The following ABCG5 variants were observed in gnomAD, a reference collection of about 807,000 sequenced individuals.
The protein encoded by ABCG5 is ATP-binding cassette sub-family G member 5.
ABCG5 carries 64 observed loss-of-function variants against 64.5 expected under a neutral mutation model. That is an observed-to-expected ratio of 0.99 (90% CI 0.81 to 1.22). The LOEUF is 1.22. Among genes scored for constraint, ABCG5 ranks in the 50% most tolerant of loss-of-function variants. The pLI, the probability that ABCG5 is intolerant of heterozygous loss-of-function variation, is 0.00. For synonymous variants in ABCG5, 385 were observed against 326.3 expected, an observed-to-expected ratio of 1.18 and a Z score of -1.94; for missense variants, 908 against 829.5, an observed-to-expected ratio of 1.09 and a Z score of -1.16.
intron 6 of ABCG5, among the ~76,000 whole-genome samples, chr2:43,825,819 G>C (rs1399208520): frequency 2.0e-5 from 3 of 152,168 alleles, no homozygotes; most frequent in African/African-American, 7.2e-5. Context: ...TCTGTAAGGT[G>C]AATACACTGA....
At chr2:43,810,463 T>A (rs1354691126), downstream of ABCG5, 5 of 985,438 alleles carry the variant, frequency 5.1e-6, no homozygotes, top group Non-Finnish European at 6.0e-6. Flanking sequence ...CAAGGTGGGA[T>A]AGCCTTTAAG....
downstream of ABCG5, among the ~76,000 whole-genome samples, chr2:43,809,415 G>C (rs1244019789): frequency 6.6e-6 from 1 of 152,192 alleles, no homozygotes; most frequent in African/African-American, 2.4e-5. Context: ...TAGTTCATTA[G>C]TTGAAAGACA....
At chr2:43,807,271 C>T in the ABCG5 span, among the ~76,000 whole-genome samples, 1 of 152,170 alleles carries the variant, frequency 6.6e-6, no homozygotes, top group Middle Eastern at 3.4e-3. Context: ...TCGTGATTAG[C>T]CCTCTTTAAT....
chr2:43,837,065 A>G (rs539523482), intron 2 of ABCG5, among the ~76,000 whole-genome samples: 1 of 151,890 alleles, frequency 6.6e-6, no homozygotes, highest in Admixed American at 6.6e-5. Flanking sequence ...ACGACCAGAT[A>G]AGATCTGATA....
intron 10 of ABCG5, among the ~76,000 whole-genome samples, chr2:43,820,507 C>A (rs1390346858): frequency 6.6e-6 from 1 of 152,170 alleles, no homozygotes; most frequent in Non-Finnish European, 1.5e-5. Context: ...TCCCAGCACC[C>A]CCTTCCCTGA....
At chr2:43,820,192 G>A (rs1375627753) in intron 10 of ABCG5, 92 bp from the exon 11 acceptor site, 26 of 1,459,146 alleles carry the variant, frequency 1.8e-5, no homozygotes, top group Non-Finnish European at 2.4e-5. Flanking sequence ...CCTTTGTGGT[G>A]AGTGGGTGGG....
chr2:43,836,949 A>T (rs1479165770), intron 2 of ABCG5, among the ~76,000 whole-genome samples: 2 of 150,684 alleles, frequency 1.3e-5, no homozygotes, highest in African/African-American at 2.4e-5. Context: ...GGATCACTTG[A>T]GCTCAGGAGG....
intron 4 of ABCG5, 62 bp downstream of exon 4, chr2:43,831,707 G>T: frequency 1.4e-6 from 2 of 1,459,360 alleles, no homozygotes; most frequent in Non-Finnish European, 1.9e-6. Flanking sequence ...GCGAAGAGAG[G>T]AGGGCAGCGG....
Position 43,822,927 on chromosome 2 carries a change from G to T in ABCG5, c.1333C>A (p.Leu445Met). Reference protein sequence around the residue: ...MLNAVNLFPVLRAVSDQESQD... With the variant: ...MLNAVNLFPVMRAVSDQESQD... ...CTCTCCTGGTCGCTGACAGCTCGCA[G>T]CACGGGAACTGGGGATGGAAGGCAG... Residue 445 changes from leucine (L) to methionine (M), a missense_variant, in exon 10 of 13, where the codon CTG (leucine) becomes ATG (methionine). Coordinates refer to ENST00000405322, the MANE Select transcript of ABCG5 (RefSeq NM_022436.3). The T allele has an allele frequency of 1.2e-6, 2 of 1,613,992 alleles. No individual in the cohort carries two copies. Among genetic ancestry groups the T allele is most frequent in the South Asian group, 2.2e-5 (2 of 91,038 alleles).
At chr2:43,809,658 A>T (rs771796704), downstream of ABCG5, 1 of 1,419,650 alleles carries the variant, frequency 7.0e-7, no homozygotes, top group Non-Finnish European at 9.8e-7. Flanking sequence ...GCCTCCTTGA[A>T]TTAGTAAAGT....
chr2:43,832,982 G>A lies in ABCG5; in HGVS notation c.266-899C>T, dbSNP rs542632932. 9.3e-4 allele frequency among the ~76,000 whole-genome samples: 141 copies of A among 152,130 alleles called. 1 individual carries two copies. Among genetic ancestry groups the A allele is most frequent in the African/African-American group, 3.2e-3 (131 of 41,502 alleles). On this transcript the variant is annotated intron_variant, in intron 2 of 12. Transcript: ENST00000405322. ...GCACCACTACACCCGGCTAATTTTC[G>A]TATTTTTAGTAGAGATGAGGTTTCA...
chr2:43,824,864 T>C lies in ABCG5; in HGVS notation c.904+25A>G, dbSNP rs763582454. The C allele has an allele frequency of 2.5e-6, 4 of 1,612,388 alleles. No homozygotes were observed. In the Admixed American group the frequency reaches 6.7e-5, roughly 27 times the overall value. On this transcript the variant is annotated intron_variant, in intron 7 of 12. Transcript: ENST00000405322. ...GAGAAAGTTTAAAAAACATTCATGATGGGGAATGTGAAAGAAAAACTTACT... is the reference window on the plus strand; with the variant it reads ...GAGAAAGTTTAAAAAACATTCATGACGGGGAATGTGAAAGAAAAACTTACT...
At chr2:43,807,549 C>T (rs575328895), downstream of ABCG5, among the ~76,000 whole-genome samples, 1 of 151,980 alleles carries the variant, frequency 6.6e-6, no homozygotes, top group East Asian at 1.9e-4. Flanking sequence ...AAGGGATCCT[C>T]CCATCTCAGC....
rs1198026552 is a variant in ABCG5, at chr2:43,812,962, T to G, written c.*154A>C. On this transcript the variant is annotated 3_prime_UTR_variant, in exon 13 of 13. Transcript: ENST00000405322. The stretch of plus-strand genomic sequence containing the variant: ...AACCACTTCCATTGCATTCAAGGCC[T>G]GCTTGGATCCAAGAGGCACAAATGG... 1.5e-6 allele frequency: 1 copy of G among 657,300 alleles called. No homozygotes were observed. The highest frequency in any genetic ancestry group is 1.8e-5 in the African/African-American group (1 of 55,388). 40.7% of individuals were successfully genotyped at this position (657,300 alleles called of 1,614,324 possible).
At position 43,816,231 on chromosome 2, in the gene ABCG5, C is replaced by T. The variant is rs562121990; in HGVS notation, c.1650-1642G>A. ...GTTTGCAGGCCTAATTGGTCCAAGG[C>T]CTAATTGGGCTGGCTGCTGAGAGGG... On this transcript the variant is annotated intron_variant, in intron 11 of 12. Transcript: ENST00000405322. 3.3e-5 allele frequency among the ~76,000 whole-genome samples: 5 copies of T among 152,306 alleles called. No homozygotes were observed. In the East Asian group the frequency reaches 7.7e-4, roughly 23 times the overall value.
At chr2:43,806,290 A>G in the ABCG5 span, among the ~76,000 whole-genome samples, 2 of 152,306 alleles carry the variant, frequency 1.3e-5, no homozygotes, top group East Asian at 3.9e-4. Context: ...TATGCTAAGC[A>G]CTAGATCGAA....
In ABCG5 at chr2:43,837,875, T is replaced by A; in HGVS notation, c.224A>T (p.Tyr75Phe). 2 of 1,614,112 alleles carry A rather than the reference T, an allele frequency of 1.2e-6. No individual in the cohort carries two copies. The highest frequency in any genetic ancestry group is 1.7e-6 in the Non-Finnish European group (2 of 1,179,970). The change falls in exon 2 of 13, where the codon TAC becomes TTC. Residue 75 changes from tyrosine to phenylalanine, a missense_variant. Transcript: ENST00000405322. ...GCACATGATCTGCCCGCTCTCCACG[T>A]ACAAGGAGACATCTTTGAGGATCTG... Reference protein sequence around the residue: ...TRQILKDVSLYVESGQIMCIL... With the variant: ...TRQILKDVSLFVESGQIMCIL...
intron 6 of ABCG5, 117 bp downstream of exon 6, chr2:43,826,265 G>T: frequency 6.7e-7 from 1 of 1,496,946 alleles, no homozygotes; most frequent in Non-Finnish European, 9.1e-7. Context: ...CTCCCAAAGT[G>T]CTGGAATTAC....
Position 43,823,952 on chromosome 2 carries a change from C to A in ABCG5, c.1285G>T (p.Ala429Ser). The A allele has an allele frequency of 6.2e-7, 1 of 1,614,166 alleles. No homozygotes were observed. Among genetic ancestry groups the A allele is most frequent in the Non-Finnish European group, 8.5e-7 (1 of 1,180,030 alleles). The change falls in exon 9 of 13, where the codon GCC becomes TCC. Residue 429 changes from alanine to serine, a missense_variant. By Grantham distance (99) the Ala-to-Ser change is moderately conservative. Coordinates refer to ENST00000405322, the MANE Select transcript of ABCG5 (RefSeq NM_022436.3). ...TTCAGCATGCCTGTGTACGGGGTGG[C>A]GCCCACAAACTGGTAAAGGAGACCT... ...RVGLLYQFVG[A>S]TPYTGMLNAV...
Sources: allele counts gnomAD v4.1 joint callset (sites outside exome capture counted in the v4.1 genomes callset), GRCh38; gene constraint gnomAD v4.1.1; transcripts MANE v1.5; gene names NCBI Gene and HGNC (gene_info 2026-07-23, HGNC 2026-07-21).